Variants in IGLON5 observed in about 807,000 individuals in gnomAD.
IGLON5 encodes the protein IgLON family member 5.
IGLON5 carries 16 observed loss-of-function variants against 38.2 expected under a neutral mutation model. The ratio of observed to expected loss-of-function variants is 0.42; its 90% CI spans 0.28 to 0.64. The LOEUF (loss-of-function observed/expected upper bound fraction) is 0.64. Ranked by LOEUF, IGLON5 falls within the 30% of genes least tolerant of loss-of-function variation. The pLI, the probability that IGLON5 is intolerant of heterozygous loss-of-function variation, is 0.23. For missense variants in IGLON5, 366 were observed against 483.4 expected, an observed-to-expected ratio of 0.76 and a Z score of 2.28; for synonymous variants, 207 against 216.4, an observed-to-expected ratio of 0.96 and a Z score of 0.38.
intron 4 of IGLON5, 71 bp from the exon 5 acceptor site, chr19:51,326,693 G>GT: frequency 1.5e-6 from 2 of 1,302,520 alleles, no homozygotes; most frequent in Non-Finnish European, 2.1e-6. Flanking sequence ...GTGTGTCCGT[G>GT]TTGTGCCCGT....
intron 1 of IGLON5, among the ~76,000 whole-genome samples, chr19:51,314,092 A>G (rs933948314): frequency 6.7e-6 from 1 of 149,380 alleles, no homozygotes; most frequent in African/African-American, 2.5e-5. Context: ...TCTTTCCCTG[A>G]TCCTGTACCC....
Position 51,311,887 on chromosome 19 carries a change from GC to G in IGLON5, c.42del (p.Ala15ProfsTer46). On this transcript the variant is annotated frameshift_variant, in exon 1 of 8. Transcript: ENST00000270642. LOFTEE classifies it high-confidence loss of function. ...PAPGARLRLL[A>X]AAALAGLAVI... is the part of the protein sequence containing the mutation. ...GCCCGGGGCCCGGCTCCGGCTTCTC[GC>G]CGCCGCCGCCCTGGCCGGCTTGGCC... is the stretch of plus-strand genomic sequence containing the variant. 7.4e-7 allele frequency: 1 copy of G among 1,346,972 alleles called. No homozygotes were observed. Among genetic ancestry groups the G allele is most frequent in the Non-Finnish European group, 9.6e-7 (1 of 1,043,602 alleles). 83.4% of individuals were successfully genotyped at this position (1,346,972 alleles called of 1,614,324 possible). A position where few individuals can be genotyped will look rare whatever the true frequency, so the allele number is the denominator to read the frequency against.
In IGLON5 at chr19:51,329,782, C is replaced by A. The variant is rs1985306576; in HGVS notation, c.*1023C>A. 1 of 152,522 alleles carries A rather than the reference C, an allele frequency of 6.6e-6. No homozygotes were observed. Among genetic ancestry groups the A allele is most frequent in the Non-Finnish European group, 1.5e-5 (1 of 68,498 alleles). The allele number at this position is 152,522 out of a possible 1,614,324, so 9.4% of individuals were successfully genotyped here. On this transcript the variant is annotated 3_prime_UTR_variant, in exon 8 of 8. Transcript: ENST00000270642. This position sits in a 1 kb window ranked among gnomAD's most constrained non-coding sequence, Gnocchi z 4.3. ...GTACCTCCCAAAGGCTACCTGACCG[C>A]CCTCACAGACACTCAGACGCACCAC...
intron 4 of IGLON5, among the ~76,000 whole-genome samples, chr19:51,326,494 C>T (rs1044210279): frequency 2.0e-5 from 3 of 152,156 alleles, no homozygotes; most frequent in African/African-American, 7.2e-5. Flanking sequence ...AGTCAGATTC[C>T]TGGAGGGATC....
intron 2 of IGLON5, 46 bp from the exon 3 acceptor site, chr19:51,323,616 A>G (rs1311194697): frequency 6.6e-7 from 1 of 1,524,384 alleles, no homozygotes; most frequent in Non-Finnish European, 8.9e-7. Context: ...GGGAAGCCTC[A>G]GGCTGGGTGG....
At chr19:51,317,633 C>T (rs1984953401) in intron 1 of IGLON5, among the ~76,000 whole-genome samples, 1 of 152,168 alleles carries the variant, frequency 6.6e-6, no homozygotes, top group South Asian at 2.1e-4. Context: ...CCCTGCCCTC[C>T]CCGCTCCCCT....
At chr19:51,311,995 A>AG (rs892428902) in intron 1 of IGLON5, 69 bp downstream of exon 1, 1 of 721,396 alleles carries the variant, frequency 1.4e-6, no homozygotes, top group Admixed American at 4.9e-5. Context: ...TCGGGGGATC[A>AG]GGGGTGGGGG....
chr19:51,327,045 G>T lies in IGLON5; in HGVS notation c.647-35G>T. ...GGCGGGACCCCTTCGTCCCCACGCG[G>T]CTAGGAGAATTCGCTGACCCTTGCC... On this transcript the variant is annotated intron_variant, in intron 5 of 7. Transcript: ENST00000270642. This position sits in a 1 kb window ranked among gnomAD's most constrained non-coding sequence, Gnocchi z 7.1. 6.2e-7 allele frequency: 1 copy of T among 1,601,936 alleles called. No individual in the cohort carries two copies. Among genetic ancestry groups the T allele is most frequent in the Non-Finnish European group, 8.5e-7 (1 of 1,174,378 alleles).
intron 1 of IGLON5, among the ~76,000 whole-genome samples, chr19:51,314,985 A>AT (rs998872747): frequency 6.6e-6 from 1 of 151,924 alleles, no homozygotes; most frequent in Non-Finnish European, 1.5e-5. Flanking sequence ...TGGTTTGTTG[A>AT]TTTTTTTCCC....
chr19:51,327,177 C>T lies in IGLON5; in HGVS notation c.744C>T (p.Phe248=). Reference sequence around the variant, plus strand: ...CCATGGCGGTTCCCCCCGCGGATTTCCAGTGGTACAAGGATGACAGACTGT... The same window carrying T: ...CCATGGCGGTTCCCCCCGCGGATTTTCAGTGGTACAAGGATGACAGACTGT... The part of the protein sequence containing the change: ...CEAMAVPPAD[F]QWYKDDRLLS... The change falls in exon 6 of 8, where the codon TTC becomes TTT. Residue 248 remains phenylalanine (F), a synonymous_variant. Transcript: ENST00000270642. This position sits in a 1 kb window ranked among gnomAD's most constrained non-coding sequence, Gnocchi z 7.1. 1 of 1,612,484 alleles carries T rather than the reference C, an allele frequency of 6.2e-7. No individual in the cohort carries two copies. The highest frequency in any genetic ancestry group is 8.5e-7 in the Non-Finnish European group (1 of 1,179,656).
chr19:51,316,463 CTT>C (rs11424604), intron 1 of IGLON5, among the ~76,000 whole-genome samples: 3 of 147,478 alleles, frequency 2.0e-5, no homozygotes, highest in South Asian at 2.1e-4. Flanking sequence ...CAGATTTTTT[CTT>C]TTTTTTTCTT....
intron 1 of IGLON5, among the ~76,000 whole-genome samples, chr19:51,313,322 C>T (rs67645723): frequency 0.23 from 35,650 of 152,042 alleles, 7,781 homozygotes; most frequent in African/African-American, 0.58. Context: ...CTGGAGGTTC[C>T]CATCCCTTCC....
chr19:51,327,940 C>G lies in IGLON5; in HGVS notation c.922+54C>G. 1.4e-6 allele frequency: 2 copies of G among 1,446,004 alleles called. No individual in the cohort carries two copies. The highest frequency in any genetic ancestry group is 2.6e-5 in the East Asian group (1 of 39,008). 89.6% of individuals were successfully genotyped at this position (1,446,004 alleles called of 1,614,324 possible). On this transcript the variant is annotated intron_variant, in intron 7 of 7. Coordinates refer to ENST00000270642, the MANE Select transcript of IGLON5 (RefSeq NM_001101372.3). The surrounding 1 kb of genome is among the most constrained non-coding windows in gnomAD (Gnocchi z 7.1). The stretch of plus-strand genomic sequence containing the variant: ...AAGGTGGGCGGGGCCGGGGGCGGGG[C>G]TAGGGAAGTGGAGACGCCGGGACCG...
At position 51,325,512 on chromosome 19, in the gene IGLON5, T is replaced by G; in HGVS notation, c.511+47T>G. On this transcript the variant is annotated intron_variant, in intron 4 of 7. Transcript: ENST00000270642. This position sits in a 1 kb window ranked among gnomAD's most constrained non-coding sequence, Gnocchi z 5.5. ...AAAAGCCCCGTCCCCCACTGCGCAG[T>G]CTGGGCCCCTCCATTCCCCATATCC... The G allele has an allele frequency of 6.5e-7, 1 of 1,542,364 alleles. No individual in the cohort carries two copies. Among genetic ancestry groups the G allele is most frequent in the Non-Finnish European group, 8.7e-7 (1 of 1,143,408 alleles).
At position 51,323,274 on chromosome 19, in the gene IGLON5, C is replaced by G. The variant is rs571200646; in HGVS notation, c.159-388C>G. ...TCTCTCTCTCTGGGTCTCTGTCCCT[C>G]TGTGTGTGTGTGTGTCTCTGTCCTT... On this transcript the variant is annotated intron_variant, in intron 2 of 7. Transcript: ENST00000270642. Among the ~76,000 whole-genome samples the G allele has an allele frequency of 3.3e-5, 5 of 150,718 alleles. No individual in the cohort carries two copies. The East Asian group carries it at 7.8e-4, about 24-fold the overall frequency.
At position 51,323,822 on chromosome 19, in the gene IGLON5, G is replaced by A. The variant is rs1214470700; in HGVS notation, c.319G>A (p.Glu107Lys). 2.5e-6 allele frequency: 4 copies of A among 1,613,488 alleles called. No homozygotes were observed. The highest frequency in any genetic ancestry group is 1.3e-5 in the African/African-American group (1 of 74,982). Reference protein sequence around the residue: ...ILITEVGLGDEGLYTCSFQTR... With the variant: ...ILITEVGLGDKGLYTCSFQTR... ...CATCACCGAGGTGGGGCTCGGCGAC[G>A]AGGGCCTCTACACCTGCTCCTTCCA... Residue 107 changes from glutamate (E) to lysine (K), a missense_variant, in exon 3 of 8, where the codon GAG becomes AAG. Transcript: ENST00000270642.
intron 1 of IGLON5, among the ~76,000 whole-genome samples, chr19:51,321,525 G>A (rs1951646385): frequency 6.6e-6 from 1 of 152,098 alleles, no homozygotes; most frequent in South Asian, 2.1e-4. Flanking sequence ...GTGTGTCGCT[G>A]TACTCTGTAT....
At position 51,327,325 on chromosome 19, in the gene IGLON5, C is replaced by T. The variant is rs868288884; in HGVS notation, c.767+125C>T. ...AGAGCTCTGGGTCCCGAACCTGGGG[C>T]GTCCAGCTTCTAGGTGATGGGATCT... On this transcript the variant is annotated intron_variant, in intron 6 of 7. Transcript: ENST00000270642. This position sits in a 1 kb window ranked among gnomAD's most constrained non-coding sequence, Gnocchi z 7.1. 2.4e-5 allele frequency: 31 copies of T among 1,318,130 alleles called. No individual in the cohort carries two copies. In the Middle Eastern group the frequency reaches 1.6e-3, roughly 69 times the overall value. The allele number at this position is 1,318,130 out of a possible 1,614,324, so 81.7% of individuals were successfully genotyped here.
rs184917082 is a variant in IGLON5, at chr19:51,313,202, T to C, written c.79+1276T>C. On this transcript the variant is annotated intron_variant, in intron 1 of 7. Transcript: ENST00000270642. ...GTGGGCCACAGCCTCAGTCCCTTGC[T>C]AGTCCTCCCCCGTCTCCCACCTGAC... Among the ~76,000 whole-genome samples, 21 of 152,334 alleles carry C rather than the reference T, an allele frequency of 1.4e-4. 1 individual carries two copies. The East Asian group carries it at 4.0e-3, about 29-fold the overall frequency.
Sources: allele counts gnomAD v4.1 joint callset (sites outside exome capture counted in the v4.1 genomes callset), GRCh38; gene constraint gnomAD v4.1.1; non-coding constraint Gnocchi (gnomAD v3.1); transcripts MANE v1.5; gene names NCBI Gene and HGNC (gene_info 2026-07-23, HGNC 2026-07-21).